The following PCDHA8 variants were observed in gnomAD, a reference collection of about 807,000 sequenced individuals.
PCDHA8 encodes the protein protocadherin alpha-8.
A neutral mutation model predicts 61.8 loss-of-function variants in PCDHA8; 53 were observed. The ratio of observed to expected loss-of-function variants is 0.86; its 90% CI spans 0.69 to 1.08. The LOEUF is 1.08. Among genes scored for constraint, PCDHA8 ranks in the 50% least tolerant of loss-of-function variants. The pLI is 0.00. For synonymous variants in PCDHA8, 618 were observed against 556.6 expected (o/e 1.11, Z -1.55); for missense variants, 1,293 against 1,245.0 (o/e 1.04, Z -0.58).
chr5:140,873,172 G>A (rs545473160), intron 1 of PCDHA8, among the ~76,000 whole-genome samples: 1 of 152,202 alleles, frequency 6.6e-6, no homozygotes, highest in African/African-American at 2.4e-5. Flanking sequence ...GAGAGCTTTT[G>A]TATCATAATA....
chr5:140,858,298 G>A lies in PCDHA8; in HGVS notation c.2394+14583G>A. The A allele has an allele frequency of 1.3e-6, 2 of 1,597,204 alleles. 1 individual carries two copies. Among genetic ancestry groups the A allele is most frequent in the South Asian group, 2.2e-5 (2 of 90,438 alleles). ...CGGTGGGGAGCTGGTCTTACTCGCA[G>A]CAGAGGCGGCAGAGGGTGTGTTCTG... On this transcript the variant is annotated intron_variant, in intron 1 of 3. Transcript: ENST00000531613.
intron 1 of PCDHA8, among the ~76,000 whole-genome samples, chr5:140,881,757 A>T (rs1238055344): frequency 6.6e-6 from 1 of 152,166 alleles, no homozygotes; most frequent in African/African-American, 2.4e-5. Flanking sequence ...TACCACAAAA[A>T]CCTACATGAC....
At chr5:140,883,291 A>T (rs1554177505) in intron 1 of PCDHA8, 1 of 1,614,118 alleles carries the variant, frequency 6.2e-7, no homozygotes, top group South Asian at 1.1e-5. Flanking sequence ...TGGAAGTACT[A>T]GATGTAAATG....
At chr5:140,891,358 G>A (rs1002422244) in intron 1 of PCDHA8, among the ~76,000 whole-genome samples, 1 of 152,044 alleles carries the variant, frequency 6.6e-6, no homozygotes. Flanking sequence ...TCCATCACCT[G>A]AGCAGTATAC....
At chr5:140,997,668 T>TTGTGTGTGTGTGTGTGTG (rs35184029) in intron 3 of PCDHA8, among the ~76,000 whole-genome samples, 77 of 148,344 alleles carry the variant, frequency 5.2e-4, no homozygotes, top group African/African-American at 1.8e-3. Context: ...ATTATACAGC[T>TTGTGTGTGTGTGTGTGTG]TGTGTGTGTG....
chr5:140,888,494 T>C (rs1554183489), intron 1 of PCDHA8, among the ~76,000 whole-genome samples: 1 of 152,236 alleles, frequency 6.6e-6, no homozygotes, highest in Non-Finnish European at 1.5e-5. Context: ...GAAACTCTGC[T>C]TTAAAGAGTC....
intron 1 of PCDHA8, chr5:140,870,322 G>A (rs1554164069): frequency 6.2e-7 from 1 of 1,614,086 alleles, no homozygotes; most frequent in African/African-American, 1.3e-5. Flanking sequence ...CTACTCGTTG[G>A]TGCTGGACAG....
Position 140,893,829 on chromosome 5 carries a change from A to G in PCDHA8, c.2394+50114A>G, listed in dbSNP as rs528174798. On this transcript the variant is annotated intron_variant, in intron 1 of 3. Transcript: ENST00000531613. ...TTGAGTCTGGTACCGTAGACTACTC[A>G]GCCATCCTGATGCCCTACCTCTTGT... Among the ~76,000 whole-genome samples the G allele has an allele frequency of 2.0e-5, 3 of 152,296 alleles. No homozygotes were observed. The South Asian group carries it at 6.2e-4, about 32-fold the overall frequency.
chr5:140,880,407 C>T (rs1198132829), intron 1 of PCDHA8, among the ~76,000 whole-genome samples: 1 of 152,128 alleles, frequency 6.6e-6, no homozygotes, highest in Non-Finnish European at 1.5e-5. Context: ...ATATGGTTGA[C>T]CTTAAAAGCG....
At chr5:140,987,690 T>C (rs4912736) in intron 3 of PCDHA8, among the ~76,000 whole-genome samples, 37,365 of 152,116 alleles carry the variant, frequency 0.25, 5,761 homozygotes, top group East Asian at 0.43. Context: ...AGTAGCTATT[T>C]TTAAATGATT....
chr5:140,849,329 T>A (rs1581180148), intron 1 of PCDHA8: 2 of 1,371,780 alleles, frequency 1.5e-6, no homozygotes, highest in East Asian at 4.8e-5. Flanking sequence ...GGGATATTAT[T>A]TACTCCTTCT....
chr5:140,982,802 T>G (rs2153829847), intron 3 of PCDHA8, among the ~76,000 whole-genome samples: 1 of 152,122 alleles, frequency 6.6e-6, no homozygotes, highest in South Asian at 2.1e-4. Context: ...TGCATGTGTG[T>G]GTGTGTGTAT....
At chr5:140,852,808 C>G in intron 1 of PCDHA8, 1 of 975,820 alleles carries the variant, frequency 1.0e-6, no homozygotes, top group Non-Finnish European at 1.2e-6. Context: ...TCATTTGTCT[C>G]CCGCCCTAAG....
chr5:140,880,800 T>A (rs1453041032), intron 1 of PCDHA8, among the ~76,000 whole-genome samples: 1 of 152,130 alleles, frequency 6.6e-6, no homozygotes, highest in Admixed American at 6.6e-5. Context: ...TATAAATAGG[T>A]GAATGACTCT....
At chr5:140,992,862 G>A (rs2097531583) in intron 3 of PCDHA8, among the ~76,000 whole-genome samples, 2 of 152,084 alleles carry the variant, frequency 1.3e-5, no homozygotes, top group Non-Finnish European at 2.9e-5. Context: ...TTTCACTCTA[G>A]CTCCCTCCTT....
rs2150425663 is a variant in PCDHA8, at chr5:140,848,940, G to A, written c.2394+5225G>A. On this transcript the variant is annotated intron_variant, in intron 1 of 3. Coordinates refer to ENST00000531613, the MANE Select transcript of PCDHA8 (RefSeq NM_018911.3). The stretch of plus-strand genomic sequence containing the variant: ...GTTCATCGCGGAATCCAGGCCGCTT[G>A]ACTCTCGGTTTCCACTAGAGGGCGC... 7.5e-6 allele frequency: 12 copies of A among 1,607,456 alleles called. No individual in the cohort carries two copies. In the South Asian group the frequency reaches 1.2e-4, roughly 16 times the overall value.
intron 3 of PCDHA8, among the ~76,000 whole-genome samples, chr5:141,003,906 T>C (rs2153979379): frequency 6.6e-6 from 1 of 152,260 alleles, no homozygotes; most frequent in South Asian, 2.1e-4. Context: ...TTCATTTGGG[T>C]CTTGACTGCA....
intron 1 of PCDHA8, chr5:140,927,060 CT>C: frequency 1.2e-6 from 2 of 1,611,446 alleles, no homozygotes; most frequent in Non-Finnish European, 1.7e-6. Context: ...GGAACTTTCG[CT>C]TCCTTTCCAG....
chr5:140,929,470 T>G (rs1554207109), intron 1 of PCDHA8: 3 of 1,296,742 alleles, frequency 2.3e-6, no homozygotes, highest in Admixed American at 2.9e-5. Context: ...CCAAGAAATC[T>G]GGAAGTATAG....
Sources: allele counts gnomAD v4.1 joint callset (sites outside exome capture counted in the v4.1 genomes callset), GRCh38; gene constraint gnomAD v4.1.1; transcripts MANE v1.5; gene names NCBI Gene and HGNC (gene_info 2026-07-23, HGNC 2026-07-21).